Variants in JARID2 observed in about 807,000 individuals in gnomAD.
JARID2 encodes protein Jumonji.
In JARID2, 21 loss-of-function variants were observed where a neutral mutation model predicts 125.6. That is an observed-to-expected ratio of 0.17 (90% CI 0.12 to 0.24). The LOEUF is 0.24. Among genes scored for constraint, JARID2 ranks in the 10% least tolerant of loss-of-function variants. The pLI, the probability that JARID2 is intolerant of heterozygous loss-of-function variation, is 1.00. For missense variants in JARID2, 1,303 were observed against 1,639.6 expected, an observed-to-expected ratio of 0.79 and a Z score of 3.55; for synonymous variants, 736 against 661.6, an observed-to-expected ratio of 1.11 and a Z score of -1.73.
intron 2 of JARID2, among the ~76,000 whole-genome samples, chr6:15,401,863 G>A (rs1347756209): frequency 6.6e-6 from 1 of 150,898 alleles, no homozygotes; most frequent in Non-Finnish European, 1.5e-5. Context: ...GCTCTGGGAG[G>A]CAGTAGGCCT....
chr6:15,346,191 C>T (rs926752502), intron 1 of JARID2, among the ~76,000 whole-genome samples: 1 of 152,118 alleles, frequency 6.6e-6, no homozygotes, highest in African/African-American at 2.4e-5. Context: ...AAATGTGCTT[C>T]CCAAAGATCC....
intron 3 of JARID2, among the ~76,000 whole-genome samples, chr6:15,411,259 C>T (rs1765863731): frequency 6.6e-6 from 1 of 152,094 alleles, no homozygotes; most frequent in Admixed American, 6.6e-5. Flanking sequence ...AAGCAATCTA[C>T]ATGTATCTAT....
At chr6:15,493,925 TC>T (rs534158649) in intron 6 of JARID2, among the ~76,000 whole-genome samples, 3 of 152,268 alleles carry the variant, frequency 2.0e-5, no homozygotes, top group East Asian at 3.9e-4. Flanking sequence ...GTGCTTTTTT[TC>T]CTCTCCAAAA....
At chr6:15,321,378 G>A (rs888174321) in intron 1 of JARID2, among the ~76,000 whole-genome samples, 1 of 152,080 alleles carries the variant, frequency 6.6e-6, no homozygotes, top group Non-Finnish European at 1.5e-5. Context: ...TATTAATTAC[G>A]GCACATATTT....
At chr6:15,470,387 C>T (rs1400990637) in intron 5 of JARID2, among the ~76,000 whole-genome samples, 1 of 152,174 alleles carries the variant, frequency 6.6e-6, no homozygotes, top group Non-Finnish European at 1.5e-5. Flanking sequence ...AGGAGAGCTG[C>T]TCATTTTTCT....
rs369157249 is a variant in JARID2, at chr6:15,507,272, C to A, written c.2660+18C>A. On this transcript the variant is annotated intron_variant, in intron 10 of 17. Transcript: ENST00000341776. Reference sequence around the variant, plus strand: ...TTTTCGAGGTAACCTGGGATTCTCTCGTCCAGGTTCTTGGGGATGTGACTG... The same window carrying A: ...TTTTCGAGGTAACCTGGGATTCTCTAGTCCAGGTTCTTGGGGATGTGACTG... The A allele has an allele frequency of 1.3e-6, 2 of 1,598,312 alleles. No homozygotes were observed. The highest frequency in any genetic ancestry group is 1.7e-5 in the Admixed American group (1 of 60,000).
In JARID2 at chr6:15,388,636, A is replaced by T. The variant is rs1238475700; in HGVS notation, c.181+14384A>T. On this transcript the variant is annotated intron_variant, in intron 2 of 17. Transcript: ENST00000341776. The stretch of plus-strand genomic sequence containing the variant: ...CAACAAACTATAATATAAAATATAT[A>T]AATATTTTATAATATTTTATATTCG... Among the ~76,000 whole-genome samples the T allele has an allele frequency of 3.3e-5, 5 of 149,484 alleles. No individual in the cohort carries two copies. In the East Asian group the frequency reaches 9.7e-4, roughly 29 times the overall value.
At chr6:15,286,638 A>G (rs1761012122) in intron 1 of JARID2, among the ~76,000 whole-genome samples, 1 of 151,772 alleles carries the variant, frequency 6.6e-6, no homozygotes, top group Admixed American at 6.6e-5. Context: ...AGACGGGCGG[A>G]TCACGAGGTC....
At chr6:15,486,832 A>G in intron 5 of JARID2, among the ~76,000 whole-genome samples, 1 of 71,604 alleles carries the variant, frequency 1.4e-5, no homozygotes, top group Non-Finnish European at 2.6e-5. Context: ...TTTGAGACAG[A>G]GTCTCGCTCT....
At chr6:15,255,138 CTTTTT>C (rs753848936) in intron 1 of JARID2, among the ~76,000 whole-genome samples, 2 of 121,192 alleles carry the variant, frequency 1.7e-5, no homozygotes, top group African/African-American at 3.0e-5. Context: ...ACTAGGAATT[CTTTTT>C]TTTTTTTTTT....
intron 5 of JARID2, among the ~76,000 whole-genome samples, chr6:15,485,669 A>G (rs1164169564): frequency 6.6e-6 from 1 of 152,240 alleles, no homozygotes; most frequent in Non-Finnish European, 1.5e-5. Flanking sequence ...GGGAGAAGAT[A>G]TACGGAAGGG....
intron 1 of JARID2, among the ~76,000 whole-genome samples, chr6:15,282,182 A>G (rs1581363738): frequency 6.6e-6 from 1 of 151,980 alleles, no homozygotes; most frequent in Admixed American, 6.6e-5. Context: ...GTCTCAGGTG[A>G]TCCGCCCACC....
intron 3 of JARID2, among the ~76,000 whole-genome samples, chr6:15,430,173 C>G (rs895643036): frequency 6.6e-6 from 1 of 152,134 alleles, no homozygotes; most frequent in African/African-American, 2.4e-5. Flanking sequence ...TATAAGGATG[C>G]CATTAAATAT....
intron 2 of JARID2, among the ~76,000 whole-genome samples, chr6:15,388,090 G>A (rs1043447284): frequency 6.6e-6 from 1 of 152,102 alleles, no homozygotes; most frequent in African/African-American, 2.4e-5. Context: ...CTAGAGAAAG[G>A]CTTCATGTGT....
In JARID2 at chr6:15,518,090, G is replaced by GC. The variant is rs3837050; in HGVS notation, c.3558+823dup. Among the ~76,000 whole-genome samples, 39 of 152,372 alleles carry GC rather than the reference G, an allele frequency of 2.6e-4. No individual in the cohort carries two copies. In the East Asian group the frequency reaches 7.1e-3, roughly 28 times the overall value. ...CTTTGCATCTGTTTTGTTTCAAAGA[G>GC]CATGCTGGGTGAAGGCAGTAAGCAC... is the stretch of plus-strand genomic sequence containing the variant. On this transcript the variant is annotated intron_variant, in intron 17 of 17. Transcript: ENST00000341776.
chr6:15,381,112 G>C (rs1561825714), intron 2 of JARID2, among the ~76,000 whole-genome samples: 1 of 151,794 alleles, frequency 6.6e-6, no homozygotes, highest in Non-Finnish European at 1.5e-5. Context: ...CCAGCACTTT[G>C]GGGGGCCGAG....
intron 1 of JARID2, among the ~76,000 whole-genome samples, chr6:15,371,870 A>T (rs1764183691): frequency 6.6e-6 from 1 of 152,176 alleles, no homozygotes; most frequent in African/African-American, 2.4e-5. Context: ...GGACAGGAAG[A>T]CTGGATGTAC....
At position 15,509,207 on chromosome 6, in the gene JARID2, C is replaced by G. The variant is rs1427981927; in HGVS notation, c.2846+753C>G. ...ACCCATCCCTGATCGAGGCTGGACT[C>G]TTTGGTGTCTTTGTTTACGGCGGCA... On this transcript the variant is annotated intron_variant, in intron 12 of 17. Coordinates refer to ENST00000341776, the MANE Select transcript of JARID2 (RefSeq NM_004973.4). 7.3e-6 allele frequency: 9 copies of G among 1,226,046 alleles called. No homozygotes were observed. The South Asian group carries it at 1.1e-4, about 15-fold the overall frequency. 75.9% of individuals were successfully genotyped at this position (1,226,046 alleles called of 1,614,324 possible). A position where few individuals can be genotyped will look rare whatever the true frequency, so the allele number is the denominator to read the frequency against.
At chr6:15,286,296 G>T (rs191187311) in intron 1 of JARID2, among the ~76,000 whole-genome samples, 196 of 148,230 alleles carry the variant, frequency 1.3e-3, no homozygotes, top group Admixed American at 6.1e-3. Context: ...TTTGTCACCC[G>T]AGTTGGAGTG....
Sources: gnomAD v4.1 joint callset for allele counts (sites outside exome capture counted in the v4.1 genomes callset) on GRCh38, gnomAD v4.1.1 for gene constraint, MANE v1.5 for transcripts, NCBI Gene and HGNC (gene_info 2026-07-23, HGNC 2026-07-21) for gene names.